PUM1: variants seen among roughly 807,000 people sequenced by gnomAD.
PUM1 encodes pumilio homolog 1.
Under a neutral mutation model 131.8 loss-of-function variants are expected in PUM1, and 13 were observed. The observed-to-expected ratio is 0.10, with a 90% CI of 0.06 to 0.16. The LOEUF (loss-of-function observed/expected upper bound fraction) is 0.16, where lower values mean the gene tolerates loss of function less well. Ranked by LOEUF, PUM1 falls within the 10% of genes least tolerant of loss-of-function variation. PUM1 has a pLI of 1.00. For synonymous variants in PUM1, 509 were observed against 556.5 expected, an observed-to-expected ratio of 0.91 and a Z score of 1.20; for missense variants, 961 against 1,512.4, an observed-to-expected ratio of 0.64 and a Z score of 6.05.
intron 3 of PUM1, among the ~76,000 whole-genome samples, chr1:31,021,169 C>T (rs1228377103): frequency 6.6e-6 from 1 of 152,192 alleles, no homozygotes; most frequent in Admixed American, 6.5e-5. Flanking sequence ...GGTAACAGCA[C>T]TGCTGATTTA....
chr1:30,932,665 A>ATATATT lies in PUM1; in HGVS notation c.*545_*546insAATATA, dbSNP rs1491530526. ...TATATATATATATATATATATATAT[A>ATATATT]TTTTTTATAAACAGTGTTAAATGCC... On this transcript the variant is annotated 3_prime_UTR_variant, in exon 22 of 22. Coordinates refer to ENST00000426105, the MANE Select transcript of PUM1 (RefSeq NM_001020658.2). 5 of 70,602 alleles carry ATATATT rather than the reference A, an allele frequency of 7.1e-5. No homozygotes were observed. The highest frequency in any genetic ancestry group is 1.1e-3 in the South Asian group (2 of 1,794). 4.4% of individuals were successfully genotyped at this position (70,602 alleles called of 1,614,324 possible).
intron 2 of PUM1, among the ~76,000 whole-genome samples, chr1:31,029,408 C>A (rs1264690894): frequency 1.3e-5 from 2 of 152,186 alleles, no homozygotes. Flanking sequence ...CCAAACCTAA[C>A]CAGGGGGAGA....
intron 19 of PUM1, 42 bp downstream of exon 19, chr1:30,941,956 G>A: frequency 1.3e-6 from 2 of 1,494,548 alleles, no homozygotes; most frequent in East Asian, 2.8e-5. Context: ...CCCTGCACAA[G>A]CCCACAGGTG....
intron 3 of PUM1, among the ~76,000 whole-genome samples, chr1:31,018,033 GTGTTTT>G (rs977119322): frequency 6.6e-6 from 1 of 152,164 alleles, no homozygotes; most frequent in Non-Finnish European, 1.5e-5. Context: ...TTCAAAGCAA[GTGTTTT>G]TGTTTTTGTT....
intron 14 of PUM1, among the ~76,000 whole-genome samples, chr1:30,959,906 C>CAA (rs756601320): frequency 1.2e-3 from 101 of 87,076 alleles, no homozygotes; most frequent in African/African-American, 4.2e-3. Context: ...GACTCCAGCT[C>CAA]AAAAAAAAAA....
In PUM1 at chr1:31,030,990, C is replaced by T. The variant is rs1392582121; in HGVS notation, c.364-2126G>A. On this transcript the variant is annotated intron_variant, in intron 2 of 21. Transcript: ENST00000426105. ...CATGAGCACAAAGAGACAGACAAGG[C>T]TTATAATACTGTGGTGTTTTAAAAA... is the stretch of plus-strand genomic sequence containing the variant. Among the ~76,000 whole-genome samples, 3 of 152,212 alleles carry T rather than the reference C, an allele frequency of 2.0e-5. No homozygotes were observed. The East Asian group carries it at 5.8e-4, about 29-fold the overall frequency.
chr1:31,027,226 T>G (rs913863732), intron 3 of PUM1, among the ~76,000 whole-genome samples: 2 of 152,144 alleles, frequency 1.3e-5, no homozygotes, highest in Admixed American at 6.6e-5. Context: ...GAAGGATCAC[T>G]TGAGCCCAAG....
intron 2 of PUM1, among the ~76,000 whole-genome samples, chr1:31,051,538 G>A (rs911664441): frequency 6.6e-6 from 1 of 152,022 alleles, no homozygotes; most frequent in South Asian, 2.1e-4. Flanking sequence ...CCTGACCTCA[G>A]GTGATCCGCC....
chr1:31,058,692 G>C (rs577263270), intron 2 of PUM1, among the ~76,000 whole-genome samples: 11 of 149,030 alleles, frequency 7.4e-5, no homozygotes, highest in Admixed American at 2.7e-4. Context: ...TCTATAGGCC[G>C]GGCGTGGGTG....
rs916066137 is a variant in PUM1, at chr1:30,932,273, G to T, written c.*938C>A. 1 of 152,418 alleles carries T rather than the reference G, an allele frequency of 6.6e-6. No homozygotes were observed. Among genetic ancestry groups the T allele is most frequent in the Admixed American group, 6.6e-5 (1 of 15,256 alleles). 9.4% of individuals were successfully genotyped at this position (152,418 alleles called of 1,614,324 possible). ...CAATTGTACAATCAAAAGTATGTTC[G>T]ACTACTAGGGTACATTATAGATACA... On this transcript the variant is annotated 3_prime_UTR_variant, in exon 22 of 22. Coordinates refer to ENST00000426105, the MANE Select transcript of PUM1 (RefSeq NM_001020658.2).
chr1:30,974,645 A>G lies in PUM1; in HGVS notation c.1506+6T>C. ...CTTAGAAGAGGTAAATTTTGTCTAC[A>G]TTTACCTGCTGCTGTCCTTGCTGAG... On this transcript the variant is annotated splice_donor_region_variant and intron_variant, in intron 10 of 21. Transcript: ENST00000426105. 1 of 1,599,344 alleles carries G rather than the reference A, an allele frequency of 6.3e-7. No homozygotes were observed. The highest frequency in any genetic ancestry group is 1.1e-5 in the South Asian group (1 of 88,746).
intron 3 of PUM1, among the ~76,000 whole-genome samples, chr1:31,025,885 C>T (rs1199231988): frequency 1.3e-5 from 2 of 152,280 alleles, no homozygotes; most frequent in East Asian, 3.9e-4. Context: ...CACACTCCCT[C>T]TCAGAGATGT....
At chr1:31,038,915 A>G (rs1451664578) in intron 2 of PUM1, among the ~76,000 whole-genome samples, 2 of 140,016 alleles carry the variant, frequency 1.4e-5, no homozygotes, top group African/African-American at 2.7e-5. Flanking sequence ...ATTAAAGCAT[A>G]TACTTAGAGA....
intron 2 of PUM1, among the ~76,000 whole-genome samples, chr1:31,038,008 G>C (rs1452889817): frequency 2.0e-5 from 3 of 151,594 alleles, no homozygotes; most frequent in African/African-American, 7.3e-5. Context: ...GAACTCAGGA[G>C]GCGGAAGTTG....
At chr1:31,041,061 C>T (rs916396344) in intron 2 of PUM1, among the ~76,000 whole-genome samples, 3 of 152,094 alleles carry the variant, frequency 2.0e-5, no homozygotes, top group African/African-American at 7.2e-5. Flanking sequence ...GGTATAATCT[C>T]GGAACTATTG....
intron 7 of PUM1, among the ~76,000 whole-genome samples, chr1:30,991,554 C>T (rs867005139): frequency 6.6e-6 from 1 of 152,162 alleles, no homozygotes; most frequent in Non-Finnish European, 1.5e-5. Flanking sequence ...GAGATGCTAA[C>T]CTTTCAAACC....
chr1:30,964,146 T>C (rs913564171), intron 14 of PUM1, among the ~76,000 whole-genome samples: 5 of 152,162 alleles, frequency 3.3e-5, no homozygotes, highest in Non-Finnish European at 7.3e-5. Flanking sequence ...GAAATATACA[T>C]CTCCTCATTA....
At chr1:30,961,690 T>C (rs1026079977) in intron 14 of PUM1, among the ~76,000 whole-genome samples, 1 of 152,126 alleles carries the variant, frequency 6.6e-6, no homozygotes, top group African/African-American at 2.4e-5. Flanking sequence ...CTAACACATA[T>C]CTGCCTCCTG....
intron 16 of PUM1, among the ~76,000 whole-genome samples, chr1:30,950,818 A>G (rs1425629380): frequency 6.6e-6 from 1 of 152,248 alleles, no homozygotes; most frequent in Non-Finnish European, 1.5e-5. Flanking sequence ...CTGAGATAGC[A>G]CCACTACACT....
Sources: allele counts gnomAD v4.1 joint callset (sites outside exome capture counted in the v4.1 genomes callset), GRCh38; gene constraint gnomAD v4.1.1; transcripts MANE v1.5; gene names NCBI Gene and HGNC (gene_info 2026-07-23, HGNC 2026-07-21).